Variants in PLB1 observed in about 807,000 individuals in gnomAD.
The protein encoded by PLB1 is phospholipase B1, also known as phospholipase B1, membrane-associated.
PLB1 carries 242 observed loss-of-function variants against 227.4 expected under a neutral mutation model. The observed-to-expected ratio is 1.06, with a 90% CI of 0.96 to 1.18. The LOEUF is 1.18. Ranked by LOEUF, PLB1 falls within the 50% of genes most tolerant of loss-of-function variation. PLB1 has a pLI of 0.00. For missense variants in PLB1, 1,858 were observed against 1,816.3 expected, an observed-to-expected ratio of 1.02 and a Z score of -0.42; for synonymous variants, 757 against 682.2, an observed-to-expected ratio of 1.11 and a Z score of -1.71.
In PLB1 at chr2:28,620,997, G is replaced by C; in HGVS notation, c.3527+19G>C. On this transcript the variant is annotated intron_variant, in intron 49 of 57. Coordinates refer to ENST00000327757, the MANE Select transcript of PLB1 (RefSeq NM_153021.5). Reference sequence around the variant, plus strand: ...GAGCTAGGTGAGTAGATGCCGTACAGGAGGGCGAGTGGAAGGCAAGACTGA... The same window carrying C: ...GAGCTAGGTGAGTAGATGCCGTACACGAGGGCGAGTGGAAGGCAAGACTGA... 1.3e-6 allele frequency: 2 copies of C among 1,588,120 alleles called. No individual in the cohort carries two copies. The highest frequency in any genetic ancestry group is 1.7e-6 in the Non-Finnish European group (2 of 1,162,876).
At chr2:28,601,851 T>A in intron 37 of PLB1, 48 bp from the exon 38 acceptor site, 1 of 1,469,188 alleles carries the variant, frequency 6.8e-7, no homozygotes, top group Non-Finnish European at 9.5e-7. Context: ...CCCACTGCCC[T>A]CCCACCCTAA....
At chr2:28,623,239 A>G (rs1687280203) in intron 49 of PLB1, among the ~76,000 whole-genome samples, 1 of 152,216 alleles carries the variant, frequency 6.6e-6, no homozygotes, top group African/African-American at 2.4e-5. Flanking sequence ...AGCTGAAAGT[A>G]GAACCACTGG....
chr2:28,560,903 C>T (rs1229301913), intron 17 of PLB1, among the ~76,000 whole-genome samples: 1 of 152,244 alleles, frequency 6.6e-6, no homozygotes, highest in Admixed American at 6.5e-5. Flanking sequence ...GCAAGCCAAA[C>T]TGTGACTAGC....
chr2:28,500,594 TC>T (rs548895758), intron 1 of PLB1, among the ~76,000 whole-genome samples: 5 of 152,084 alleles, frequency 3.3e-5, no homozygotes, highest in Admixed American at 1.3e-4. Context: ...TTCCCTTTTT[TC>T]CCCCACTTAA....
chr2:28,587,607 CAA>C (rs139579194), intron 26 of PLB1, among the ~76,000 whole-genome samples: 20 of 142,254 alleles, frequency 1.4e-4, no homozygotes, highest in African/African-American at 2.8e-4. Context: ...GAGACTGTCT[CAA>C]AAAAAAAAAA....
intron 26 of PLB1, among the ~76,000 whole-genome samples, chr2:28,586,741 T>C (rs1680961985): frequency 6.6e-6 from 1 of 152,134 alleles, no homozygotes. Flanking sequence ...TATGTATTTA[T>C]TTATTTTTAT....
intron 33 of PLB1, 193 bp downstream of exon 33, chr2:28,593,947 C>CTTT (rs386389801): frequency 0.36 from 212,489 of 598,370 alleles, 23,270 homozygotes; most frequent in African/African-American, 0.39. Flanking sequence ...TGTTGATAAT[C>CTTT]TTTTTTTTTT....
intron 16 of PLB1, 113 bp from the exon 17 acceptor site, chr2:28,552,814 AT>A (rs1364882763): frequency 1.2e-6 from 1 of 833,008 alleles, no homozygotes; most frequent in Non-Finnish European, 2.0e-6. Flanking sequence ...CTTAAATGAC[AT>A]CAAAGTTTTA....
At chr2:28,569,928 T>A (rs1677708511) in intron 20 of PLB1, among the ~76,000 whole-genome samples, 1 of 142,958 alleles carries the variant, frequency 7.0e-6, no homozygotes, top group African/African-American at 2.6e-5. Context: ...ATCACGCCAT[T>A]GCACTCCAGC....
intron 23 of PLB1, among the ~76,000 whole-genome samples, chr2:28,580,618 G>A (rs776060125): frequency 6.6e-6 from 1 of 152,138 alleles, no homozygotes; most frequent in Non-Finnish European, 1.5e-5. Flanking sequence ...GGAGGCTGAG[G>A]CGGAAGAATC....
At chr2:28,591,053 A>T in intron 29 of PLB1, 80 bp from the exon 30 acceptor site, 7 of 1,571,940 alleles carry the variant, frequency 4.5e-6, no homozygotes, top group Non-Finnish European at 6.1e-6. Flanking sequence ...TGTTTGTGCC[A>T]GGCCGACACT....
At chr2:28,524,789 T>C (rs1335576650) in intron 4 of PLB1, among the ~76,000 whole-genome samples, 2 of 151,726 alleles carry the variant, frequency 1.3e-5, no homozygotes, top group African/African-American at 4.8e-5. Flanking sequence ...CCAAGAACTT[T>C]TCCTCCCTGC....
Position 28,620,350 on chromosome 2 carries a change from G to A in PLB1, c.3383+18G>A, listed in dbSNP as rs752784071. On this transcript the variant is annotated intron_variant, in intron 47 of 57. Coordinates refer to ENST00000327757, the MANE Select transcript of PLB1 (RefSeq NM_153021.5). The stretch of plus-strand genomic sequence containing the variant: ...TCTTGGAGGTGAGGATGTTCTTGAT[G>A]CATGCTCTATTGATGATGCTCTCTC... 1.4e-5 allele frequency: 22 copies of A among 1,580,330 alleles called. No individual in the cohort carries two copies. The highest frequency in any genetic ancestry group is 1.9e-5 in the Non-Finnish European group (22 of 1,158,178).
At chr2:28,537,961 C>G (rs1454928303) in intron 9 of PLB1, among the ~76,000 whole-genome samples, 3 of 152,094 alleles carry the variant, frequency 2.0e-5, no homozygotes, top group African/African-American at 7.2e-5. Context: ...TGGGAAAAAG[C>G]GATTCCTCAA....
At chr2:28,608,235 C>T (rs6547860) in intron 43 of PLB1, among the ~76,000 whole-genome samples, 7,327 of 152,280 alleles carry the variant, frequency 0.048, 574 homozygotes, top group African/African-American at 0.17. Context: ...ATCTGTTGGC[C>T]AGCCCAACTT....
At chr2:28,598,149 C>A in intron 34 of PLB1, 101 bp downstream of exon 34, 1 of 988,224 alleles carries the variant, frequency 1.0e-6, no homozygotes, top group Non-Finnish European at 1.5e-6. Context: ...TGACATCTGC[C>A]TTATGGCCCA....
chr2:28,536,673 C>T (rs1170229971), intron 9 of PLB1, among the ~76,000 whole-genome samples: 4 of 152,196 alleles, frequency 2.6e-5, no homozygotes, highest in Admixed American at 6.5e-5. Flanking sequence ...GCAAACGATA[C>T]ACATGGAAAT....
intron 14 of PLB1, among the ~76,000 whole-genome samples, chr2:28,544,101 G>A (rs904771516): frequency 6.6e-6 from 1 of 152,228 alleles, no homozygotes; most frequent in African/African-American, 2.4e-5. Flanking sequence ...TTGAGTACCA[G>A]GGACAGCTGC....
At chr2:28,555,211 C>T (rs7599404) in intron 17 of PLB1, among the ~76,000 whole-genome samples, 35,509 of 145,274 alleles carry the variant, frequency 0.24, 4,443 homozygotes, top group East Asian at 0.53. Context: ...GCGTGATTTC[C>T]GCTTACTGCA....
Sources: allele counts gnomAD v4.1 joint callset (sites outside exome capture counted in the v4.1 genomes callset), GRCh38; gene constraint gnomAD v4.1.1; transcripts MANE v1.5; gene names NCBI Gene and HGNC (gene_info 2026-07-23, HGNC 2026-07-21).